ATP8B4: variants seen among roughly 807,000 people sequenced by gnomAD.
ATP8B4 encodes probable phospholipid-transporting ATPase IM.
Under a neutral mutation model 145.6 loss-of-function variants are expected in ATP8B4, and 133 were observed. The observed-to-expected ratio is 0.91, with a 90% CI of 0.79 to 1.05. The LOEUF (loss-of-function observed/expected upper bound fraction) is 1.05. Ranked by LOEUF, ATP8B4 falls within the 50% of genes least tolerant of loss-of-function variation. The pLI is 0.00. For synonymous variants in ATP8B4, 507 were observed against 492.9 expected, an observed-to-expected ratio of 1.03 and a Z score of -0.38; for missense variants, 1,458 against 1,425.2, an observed-to-expected ratio of 1.02 and a Z score of -0.37.
chr15:50,164,503 A>G (rs2140850105), intron 1 of ATP8B4, among the ~76,000 whole-genome samples: 1 of 152,224 alleles, frequency 6.6e-6, no homozygotes, highest in Middle Eastern at 3.4e-3. Flanking sequence ...TGGTAAGATG[A>G]AGTCTTCTTT....
chr15:49,989,203 G>A (rs913231650), intron 9 of ATP8B4, among the ~76,000 whole-genome samples: 11 of 152,172 alleles, frequency 7.2e-5, no homozygotes, highest in African/African-American at 2.7e-4. Context: ...ACTGGCTCAA[G>A]TTGTTTGGAC....
chr15:50,001,570 T>C (rs1205704391), intron 8 of ATP8B4, among the ~76,000 whole-genome samples: 3 of 152,224 alleles, frequency 2.0e-5, no homozygotes, highest in Non-Finnish European at 2.9e-5. Flanking sequence ...GATTAAATGA[T>C]AAATTCCATC....
chr15:50,172,695 G>A (rs2044696765), intron 1 of ATP8B4, among the ~76,000 whole-genome samples: 1 of 152,080 alleles, frequency 6.6e-6, no homozygotes, highest in Non-Finnish European at 1.5e-5. Flanking sequence ...TCTAGGAAGT[G>A]AGGAGCGTCT....
chr15:49,879,645 C>G (rs2035070616), intron 23 of ATP8B4, 186 bp from the exon 24 acceptor site: 1 of 555,576 alleles, frequency 1.8e-6, no homozygotes. Flanking sequence ...CTAGATCTCT[C>G]TAAACGGCAG....
At chr15:50,079,007 A>AG (rs2054367532) in intron 2 of ATP8B4, among the ~76,000 whole-genome samples, 1 of 152,208 alleles carries the variant, frequency 6.6e-6, no homozygotes, top group Non-Finnish European at 1.5e-5. Flanking sequence ...AGTAAGACCT[A>AG]CTATTTGACA....
Position 50,043,692 on chromosome 15 carries a change from G to A in ATP8B4, c.300+902C>T, listed in dbSNP as rs899487554. On this transcript the variant is annotated intron_variant, in intron 5 of 27. Coordinates refer to ENST00000284509, the MANE Select transcript of ATP8B4 (RefSeq NM_024837.4). ...GTGTAGGCCGGGCGCGGTGGCTCAC[G>A]CCTGTAATCCCAGCACTTTGGGAGG... Among the ~76,000 whole-genome samples, 44 of 152,144 alleles carry A rather than the reference G, an allele frequency of 2.9e-4. 1 individual carries two copies. The highest frequency in any genetic ancestry group is 8.4e-4 in the African/African-American group (35 of 41,508).
At chr15:50,110,291 T>A (rs535398926) in intron 1 of ATP8B4, among the ~76,000 whole-genome samples, 1 of 152,354 alleles carries the variant, frequency 6.6e-6, no homozygotes, top group African/African-American at 2.4e-5. Flanking sequence ...CCAGTCTTTT[T>A]CTAGTAGCAA....
At chr15:50,163,863 CTTCCTTCCCCTTT>C (rs1452911775) in intron 1 of ATP8B4, among the ~76,000 whole-genome samples, 1 of 152,150 alleles carries the variant, frequency 6.6e-6, no homozygotes, top group African/African-American at 2.4e-5. Context: ...CCTTCCCCTT[CTTCCTTCCCCTTT>C]TCTTAAGCAG....
chr15:50,031,267 T>C (rs1010505378), intron 6 of ATP8B4, among the ~76,000 whole-genome samples: 1 of 152,196 alleles, frequency 6.6e-6, no homozygotes, highest in South Asian at 2.1e-4. Context: ...CCTCAAAATC[T>C]TCTTTCAAAT....
intron 7 of ATP8B4, chr15:50,009,477 C>G: frequency 3.1e-6 from 1 of 321,196 alleles, no homozygotes; most frequent in Non-Finnish European, 6.1e-6. Flanking sequence ...CTGTAGTGGT[C>G]TAGCATCTTA....
chr15:49,967,661 A>G (rs2044681527), intron 13 of ATP8B4, among the ~76,000 whole-genome samples: 1 of 152,214 alleles, frequency 6.6e-6, no homozygotes, highest in South Asian at 2.1e-4. Context: ...GTGTACCTGA[A>G]AGTGATGGGG....
At chr15:50,080,939 C>T (rs1186222509) in intron 2 of ATP8B4, among the ~76,000 whole-genome samples, 2 of 151,956 alleles carry the variant, frequency 1.3e-5, no homozygotes, top group Admixed American at 1.3e-4. Context: ...TGGTGAAACC[C>T]CATCTCTACG....
At chr15:50,149,016 C>A (rs967688390) in intron 1 of ATP8B4, among the ~76,000 whole-genome samples, 1 of 152,142 alleles carries the variant, frequency 6.6e-6, no homozygotes, top group Admixed American at 6.5e-5. Context: ...TTAAAAATAA[C>A]AATACATCAT....
intron 1 of ATP8B4, among the ~76,000 whole-genome samples, chr15:50,110,471 CT>C (rs966266886): frequency 6.6e-6 from 1 of 152,150 alleles, no homozygotes; most frequent in African/African-American, 2.4e-5. Context: ...AAAAAGTCAT[CT>C]TTCATTGAAC....
intron 13 of ATP8B4, among the ~76,000 whole-genome samples, chr15:49,964,758 G>A (rs927754013): frequency 8.5e-5 from 13 of 152,114 alleles, no homozygotes; most frequent in African/African-American, 2.7e-4. Flanking sequence ...TGAAAGTCAA[G>A]AGCCTTCTCC....
At chr15:49,974,397 CTTT>C (rs35144345) in intron 12 of ATP8B4, among the ~76,000 whole-genome samples, 6 of 142,862 alleles carry the variant, frequency 4.2e-5, no homozygotes, top group African/African-American at 2.6e-5. Context: ...GCCACTTGTC[CTTT>C]TTTTTTTTTT....
chr15:49,892,078 C>T (rs948833100), intron 23 of ATP8B4, among the ~76,000 whole-genome samples: 11 of 150,196 alleles, frequency 7.3e-5, no homozygotes, highest in Admixed American at 4.6e-4. Context: ...ATCACACCAC[C>T]GCACTCCAGC....
chr15:50,171,714 G>A (rs1465707179), intron 1 of ATP8B4, among the ~76,000 whole-genome samples: 2 of 151,146 alleles, frequency 1.3e-5, no homozygotes, highest in Non-Finnish European at 2.9e-5. Context: ...GATCAGAGCA[G>A]AACTAAATGA....
chr15:49,964,284 T>C (rs2044338298), intron 13 of ATP8B4, among the ~76,000 whole-genome samples: 1 of 152,000 alleles, frequency 6.6e-6, no homozygotes, highest in South Asian at 2.1e-4. Context: ...TATGCTCTAG[T>C]GGTTACCCTG....
Sources: allele counts gnomAD v4.1 joint callset (sites outside exome capture counted in the v4.1 genomes callset), GRCh38; gene constraint gnomAD v4.1.1; transcripts MANE v1.5; gene names NCBI Gene and HGNC (gene_info 2026-07-23, HGNC 2026-07-21).